PKIB: variants seen among roughly 807,000 people sequenced by gnomAD.
PKIB encodes cAMP-dependent protein kinase inhibitor beta, also known as PKI-beta.
In PKIB, 2 loss-of-function variants were observed where a neutral mutation model predicts 4.5. The ratio of observed to expected loss-of-function variants is 0.44; its 90% confidence interval spans 0.18 to 1.39. The LOEUF (loss-of-function observed/expected upper bound fraction) is 1.39, where lower values mean the gene tolerates loss of function less well. PKIB is among the 40% of genes most tolerant of loss of function. PKIB has a pLI of 0.27. For synonymous variants in PKIB, 38 were observed against 36.0 expected (o/e 1.06, Z -0.20); for missense variants, 94 against 92.6 (o/e 1.02, Z -0.06).
intron 2 of PKIB, among the ~76,000 whole-genome samples, chr6:122,661,682 A>C (rs1042027972): frequency 2.6e-5 from 4 of 152,206 alleles, no homozygotes; most frequent in African/African-American, 7.2e-5. Context: ...CTCTGTGGAC[A>C]TATGCTTTCA....
chr6:122,569,475 G>C (rs965491134), intron 2 of PKIB, among the ~76,000 whole-genome samples: 1 of 152,166 alleles, frequency 6.6e-6, no homozygotes, highest in Non-Finnish European at 1.5e-5. Context: ...CTAACCAAAG[G>C]TTCTAAGTGG....
intron 3 of PKIB, among the ~76,000 whole-genome samples, chr6:122,599,409 C>T (rs1562264909): frequency 6.6e-6 from 1 of 152,178 alleles, no homozygotes; most frequent in Non-Finnish European, 1.5e-5. Context: ...CAGTAGACAC[C>T]TGGTGAGGCT....
At chr6:122,692,232 G>A (rs375979065) in intron 3 of PKIB, among the ~76,000 whole-genome samples, 8 of 152,320 alleles carry the variant, frequency 5.3e-5, no homozygotes, top group East Asian at 3.9e-4. Flanking sequence ...AGGGCTCTAC[G>A]ATCAGCCAGT....
chr6:122,677,179 A>T (rs1374993737), intron 3 of PKIB, among the ~76,000 whole-genome samples: 1 of 152,230 alleles, frequency 6.6e-6, no homozygotes, highest in Non-Finnish European at 1.5e-5. Flanking sequence ...GTCTTTGAGA[A>T]ATACAAATTT....
At chr6:122,533,587 G>A (rs1190926121) in intron 2 of PKIB, among the ~76,000 whole-genome samples, 2 of 152,132 alleles carry the variant, frequency 1.3e-5, no homozygotes, top group African/African-American at 2.4e-5. Context: ...CAGAGTGTAG[G>A]AGACTTCATG....
At chr6:122,620,098 C>G (rs775656356) in intron 1 of PKIB, among the ~76,000 whole-genome samples, 1 of 152,054 alleles carries the variant, frequency 6.6e-6, no homozygotes, top group Non-Finnish European at 1.5e-5. Flanking sequence ...CAATATTTTT[C>G]CACCCTCTTA....
chr6:122,500,693 A>G (rs904968236), intron 2 of PKIB, among the ~76,000 whole-genome samples: 2 of 152,280 alleles, frequency 1.3e-5, no homozygotes, highest in South Asian at 4.1e-4. Flanking sequence ...TGCATGAGTT[A>G]TATGTTGTAT....
In PKIB at chr6:122,610,485, G is replaced by GGCGAGC. The variant is rs890992503; in HGVS notation, c.-202_-197dup. Reference sequence around the variant, plus strand: ...CGCAGCTCCGGGCCGCAGAGCGCTGGGCGAGCGCGAGCGCCAGGGCACCGG... The same window carrying GGCGAGC: ...CGCAGCTCCGGGCCGCAGAGCGCTGGGCGAGCGCGAGCGCGAGCGCCAGGGCACCGG... On this transcript the variant is annotated 5_prime_UTR_variant, in exon 1 of 5. Transcript: ENST00000368452. The GGCGAGC allele has an allele frequency of 1.3e-5, 2 of 152,700 alleles. No homozygotes were observed. The highest frequency in any genetic ancestry group is 2.1e-4 in the South Asian group (1 of 4,842). 9.5% of individuals were successfully genotyped at this position (152,700 alleles called of 1,614,324 possible).
At chr6:122,667,886 G>A (rs1777295787) in intron 2 of PKIB, among the ~76,000 whole-genome samples, 1 of 152,114 alleles carries the variant, frequency 6.6e-6, no homozygotes, top group Admixed American at 6.5e-5. Context: ...AACCACACAG[G>A]CCACACCTGA....
At chr6:122,603,758 G>C (rs1278634548) in intron 3 of PKIB, among the ~76,000 whole-genome samples, 2 of 152,194 alleles carry the variant, frequency 1.3e-5, no homozygotes, top group Non-Finnish European at 2.9e-5. Context: ...TGGGATTACA[G>C]GCATGAACGA....
At chr6:122,654,909 C>G (rs952160185) in intron 2 of PKIB, among the ~76,000 whole-genome samples, 7 of 152,052 alleles carry the variant, frequency 4.6e-5, no homozygotes, top group Non-Finnish European at 8.8e-5. Flanking sequence ...TAATTAGAAA[C>G]TTAAATTACT....
intron 3 of PKIB, among the ~76,000 whole-genome samples, chr6:122,680,381 T>C (rs1378138709): frequency 1.3e-5 from 2 of 152,254 alleles, no homozygotes; most frequent in African/African-American, 4.8e-5. Context: ...GCATGGATTC[T>C]TTCCTTCTGG....
intron 2 of PKIB, among the ~76,000 whole-genome samples, chr6:122,505,202 A>G (rs1025153638): frequency 1.7e-4 from 26 of 152,162 alleles, no homozygotes; most frequent in African/African-American, 6.3e-4. Flanking sequence ...CCACATTTTA[A>G]TGTTTTAAAG....
At chr6:122,630,025 G>A (rs1775630110) in intron 1 of PKIB, among the ~76,000 whole-genome samples, 1 of 152,112 alleles carries the variant, frequency 6.6e-6, no homozygotes, top group Non-Finnish European at 1.5e-5. Context: ...CCATACTAAT[G>A]TAAGATACAA....
chr6:122,502,550 T>C (rs1348396712), intron 2 of PKIB, among the ~76,000 whole-genome samples: 1 of 151,868 alleles, frequency 6.6e-6, no homozygotes, highest in Non-Finnish European at 1.5e-5. Context: ...CTACACACTT[T>C]TAAATAATCA....
At chr6:122,506,917 G>A (rs1776423446) in intron 2 of PKIB, among the ~76,000 whole-genome samples, 1 of 151,534 alleles carries the variant, frequency 6.6e-6, no homozygotes. Flanking sequence ...TAGCCAGGAT[G>A]GTCTCGATCT....
At chr6:122,547,353 G>A (rs1224308339) in intron 2 of PKIB, among the ~76,000 whole-genome samples, 1 of 151,828 alleles carries the variant, frequency 6.6e-6, no homozygotes, top group African/African-American at 2.4e-5. Flanking sequence ...TTTTCTTTTC[G>A]AGACGGAGTT....
chr6:122,694,868 G>C (rs1778505563), intron 3 of PKIB, among the ~76,000 whole-genome samples: 1 of 152,152 alleles, frequency 6.6e-6, no homozygotes, highest in Non-Finnish European at 1.5e-5. Flanking sequence ...CAAGGGGAAA[G>C]TCCTGGATTT....
chr6:122,473,999 G>A (rs1775384087), intron 1 of PKIB, among the ~76,000 whole-genome samples: 1 of 152,190 alleles, frequency 6.6e-6, no homozygotes, highest in Admixed American at 6.5e-5. Context: ...AGGGCATGGT[G>A]GCACACCTCT....
Sources: gnomAD v4.1 joint callset for allele counts (sites outside exome capture counted in the v4.1 genomes callset) on GRCh38, gnomAD v4.1.1 for gene constraint, MANE v1.5 for transcripts, NCBI Gene and HGNC (gene_info 2026-07-23, HGNC 2026-07-21) for gene names.